Variants in TULP4 observed in about 807,000 individuals in gnomAD.
TULP4 encodes the protein tubby-related protein 4.
Under a neutral mutation model 129.0 loss-of-function variants are expected in TULP4, and 16 were observed. The ratio of observed to expected loss-of-function variants is 0.12; its 90% confidence interval spans 0.08 to 0.19. The LOEUF is 0.19. Among genes scored for constraint, TULP4 ranks in the 10% least tolerant of loss-of-function variants. TULP4 has a pLI of 1.00. For missense variants in TULP4, 1,842 were observed against 2,059.1 expected (o/e 0.89, Z 2.04); for synonymous variants, 998 against 854.0 (o/e 1.17, Z -2.94).
chr6:158,235,898 T>C (rs1376598703), intron 1 of TULP4, among the ~76,000 whole-genome samples: 1 of 152,212 alleles, frequency 6.6e-6, no homozygotes, highest in African/African-American at 2.4e-5. Context: ...AAATTCGTTA[T>C]TGTTTAATGC....
intron 1 of TULP4, among the ~76,000 whole-genome samples, chr6:158,235,349 A>G (rs1041002473): frequency 6.6e-6 from 1 of 152,102 alleles, no homozygotes; most frequent in Non-Finnish European, 1.5e-5. Flanking sequence ...CAGCCCCTGG[A>G]AACCACCCCT....
chr6:158,468,134 A>T (rs1039524253), intron 6 of TULP4, among the ~76,000 whole-genome samples: 9 of 152,350 alleles, frequency 5.9e-5, no homozygotes, highest in African/African-American at 2.2e-4. Context: ...GCATTTATTC[A>T]GTAAGATTAA....
chr6:158,499,335 C>T (rs992307813), intron 12 of TULP4, among the ~76,000 whole-genome samples: 5 of 152,192 alleles, frequency 3.3e-5, no homozygotes, highest in Non-Finnish European at 5.9e-5. Flanking sequence ...CCACCGCAAC[C>T]GCATGTCTCA....
At chr6:158,302,555 T>C (rs1198695156) in intron 1 of TULP4, among the ~76,000 whole-genome samples, 1 of 152,134 alleles carries the variant, frequency 6.6e-6, no homozygotes, top group Non-Finnish European at 1.5e-5. Flanking sequence ...TAGCAACCAA[T>C]TGAGTTAAAG....
At chr6:158,240,833 C>T (rs1241162372) in intron 1 of TULP4, among the ~76,000 whole-genome samples, 1 of 150,244 alleles carries the variant, frequency 6.7e-6, no homozygotes, top group Non-Finnish European at 1.5e-5. Context: ...GCATGGCTGG[C>T]TGGGCGGGGG....
chr6:158,404,613 T>G (rs892873478), intron 1 of TULP4, among the ~76,000 whole-genome samples: 1 of 151,870 alleles, frequency 6.6e-6, no homozygotes, highest in Non-Finnish European at 1.5e-5. Flanking sequence ...CCGTCTCTAC[T>G]AAAAATTCAA....
At position 158,493,359 on chromosome 6, in the gene TULP4, A is replaced by T. The variant is rs1450179871; in HGVS notation, c.1632-214A>T. On this transcript the variant is annotated intron_variant, in intron 9 of 13. Coordinates refer to ENST00000367097, the MANE Select transcript of TULP4 (RefSeq NM_020245.5). This position sits in a 1 kb window ranked among gnomAD's most constrained non-coding sequence, Gnocchi z 4.4. ...CACACCCAGTTTCTCAATATATTTT[A>T]AAATGTATATTATTCAATGTAAAGT... is the stretch of plus-strand genomic sequence containing the variant. Among the ~76,000 whole-genome samples, 7 of 152,192 alleles carry T rather than the reference A, an allele frequency of 4.6e-5. No individual in the cohort carries two copies. The highest frequency in any genetic ancestry group is 4.4e-5 in the Non-Finnish European group (3 of 68,038).
intron 1 of TULP4, among the ~76,000 whole-genome samples, chr6:158,256,815 TATGCTTTTAAGG>T (rs1778253628): frequency 6.6e-6 from 1 of 152,188 alleles, no homozygotes; most frequent in Admixed American, 6.5e-5. Context: ...ACTTCCCCCC[TATGCTTTTAAGG>T]ATGCTGATCA....
rs971143698 is a variant in TULP4 at position 158,502,770 on chromosome 6, C to T, written c.3107C>T (p.Thr1036Ile). The change falls in exon 13 of 14, where the codon ACC (threonine) becomes ATC (isoleucine). Residue 1036 changes from threonine to isoleucine, a missense_variant. Physicochemically the swap from Thr to Ile is moderately conservative, Grantham distance 89 (BLOSUM62 -1). Transcript: ENST00000367097. Reference protein sequence around the residue: ...LPARPPPALYTCSQCSGTGPS... With the variant: ...LPARPPPALYICSQCSGTGPS... Reference sequence around the variant, plus strand: ...GCGCGGCCCCCACCTGCCCTGTACACCTGCAGTCAGTGCAGTGGCACAGGG... The same window carrying T: ...GCGCGGCCCCCACCTGCCCTGTACATCTGCAGTCAGTGCAGTGGCACAGGG... The T allele has an allele frequency of 7.5e-6, 12 of 1,605,786 alleles. No homozygotes were observed. The highest frequency in any genetic ancestry group is 1.0e-5 in the Non-Finnish European group (12 of 1,178,814).
chr6:158,300,949 C>T lies in TULP4; in HGVS notation n.117-11102C>T, dbSNP rs567109179. Among the ~76,000 whole-genome samples the T allele has an allele frequency of 5.3e-5, 8 of 152,248 alleles. No homozygotes were observed. In the South Asian group the frequency reaches 6.2e-4, roughly 12 times the overall value. ...GAGATTATGGAACTCCTGAGCTTCT[C>T]GGATTGCAATAGAGACCAGTCGACC... On this transcript the variant is annotated intron_variant and non_coding_transcript_variant, in intron 1 of 1. Transcript: ENST00000432358.
At chr6:158,251,859 G>A (rs1778146817) in intron 1 of TULP4, among the ~76,000 whole-genome samples, 1 of 152,172 alleles carries the variant, frequency 6.6e-6, no homozygotes, top group Non-Finnish European at 1.5e-5. Context: ...TAGGCACCAA[G>A]TAGCTAAGCT....
chr6:158,419,228 A>G (rs1446427371), intron 2 of TULP4, among the ~76,000 whole-genome samples: 2 of 152,228 alleles, frequency 1.3e-5, no homozygotes, highest in Non-Finnish European at 2.9e-5. Context: ...ATAACACAAC[A>G]TAAACCCATA....
chr6:158,345,288 A>G (rs1282422919), intron 1 of TULP4, among the ~76,000 whole-genome samples: 3 of 152,214 alleles, frequency 2.0e-5, no homozygotes, highest in African/African-American at 7.2e-5. Context: ...AGCTGGGACC[A>G]CAGGTGCATG....
At chr6:158,311,954 G>A (rs1479634567), upstream of TULP4, 3 of 393,344 alleles carry the variant, frequency 7.6e-6, no homozygotes, top group Non-Finnish European at 1.3e-5. Context: ...GTGTAAAGAT[G>A]GGTCTCTCAT....
In TULP4 at chr6:158,356,964, G is replaced by T. The variant is rs746071200; in HGVS notation, c.252+42696G>T. Among the ~76,000 whole-genome samples the T allele has an allele frequency of 2.6e-5, 4 of 152,228 alleles. No individual in the cohort carries two copies. The East Asian group carries it at 5.8e-4, about 22-fold the overall frequency. ...TTCCCCAGCTGTGCCTAGCAACATG[G>T]GGGTAGGCACTTCCATTTCCAAAAA... is the stretch of plus-strand genomic sequence containing the variant. On this transcript the variant is annotated intron_variant, in intron 1 of 13. Transcript: ENST00000367097.
At chr6:158,389,959 AAGTT>A (rs200371745) in intron 1 of TULP4, among the ~76,000 whole-genome samples, 1,599 of 152,152 alleles carry the variant, frequency 0.011, 32 homozygotes, top group African/African-American at 0.035. Flanking sequence ...AAAAATATAA[AAGTT>A]AGCCGGGTGT....
chr6:158,309,761 C>A (rs985120852), upstream of TULP4, among the ~76,000 whole-genome samples: 17 of 152,106 alleles, frequency 1.1e-4, no homozygotes, highest in Middle Eastern at 3.4e-3. Context: ...CGTGGCGGCG[C>A]GCCTGCAATC....
In TULP4 at chr6:158,296,643, C is replaced by T. The variant is rs147006681; in HGVS notation, n.116+14265C>T. Among the ~76,000 whole-genome samples the T allele has an allele frequency of 9.6e-4, 145 of 151,690 alleles. 2 individuals are homozygous for T. In the East Asian group the frequency reaches 0.026, roughly 27 times the overall value. The stretch of plus-strand genomic sequence containing the variant: ...GGGGAACCCACCCCCAATATTTCAA[C>T]GTAGGTTCTTTCTATTTTCCCTAAG... On this transcript the variant is annotated intron_variant and non_coding_transcript_variant, in intron 1 of 1. Transcript: ENST00000432358.
At chr6:158,452,656 C>G (rs1406408752) in intron 5 of TULP4, among the ~76,000 whole-genome samples, 1 of 152,192 alleles carries the variant, frequency 6.6e-6, no homozygotes, top group Non-Finnish European at 1.5e-5. Flanking sequence ...ACACAGAAGC[C>G]CCTGTAATTT....
Sources: gnomAD v4.1 joint callset for allele counts (sites outside exome capture counted in the v4.1 genomes callset) on GRCh38, gnomAD v4.1.1 for gene constraint, Gnocchi (gnomAD v3.1) non-coding constraint, MANE v1.5 for transcripts, NCBI Gene and HGNC (gene_info 2026-07-23, HGNC 2026-07-21) for gene names.